Variants in RTL4 observed in about 807,000 individuals in gnomAD.
RTL4 encodes the protein retrotransposon Gag like 4, also known as retrotransposon Gag-like protein 4.
RTL4 carries 4 observed loss-of-function variants against 5.3 expected under a neutral mutation model. The observed-to-expected ratio is 0.75, with a 90% CI of 0.37 to 1.72. RTL4 has a LOEUF of 1.72. RTL4 is among the 40% of genes most tolerant of loss of function. The pLI, the probability that RTL4 is intolerant of heterozygous loss-of-function variation, is 0.04. For missense variants in RTL4, 260 were observed against 227.1 expected (o/e 1.14, Z -0.93); for synonymous variants, 98 against 87.3 (o/e 1.12, Z -0.68).
the RTL4 span, among the ~76,000 whole-genome samples, chrX:112,257,056 T>TCTTC: frequency 8.9e-6 from 1 of 111,920 alleles, no homozygotes; most frequent in African/African-American, 3.2e-5. Flanking sequence ...CTTTACTTAT[T>TCTTC]CTTCACTTTA....
At chrX:112,456,179 A>T (rs142281620) in exon 1 of RTL4, 3,101 of 302,412 alleles carry the variant, frequency 0.01, 87 homozygotes, top group African/African-American at 0.074. Context: ...TAGAGTTTGG[A>T]CCATGCTTCA....
chrX:112,229,145 T>C, the RTL4 span, among the ~76,000 whole-genome samples: 1 of 112,210 alleles, frequency 8.9e-6, no homozygotes. Context: ...TGATGTTTTA[T>C]TATGTTCCTC....
At chrX:112,334,415 C>A in the RTL4 span, among the ~76,000 whole-genome samples, 1 of 111,603 alleles carries the variant, frequency 9.0e-6, no homozygotes, top group Non-Finnish European at 1.9e-5. Context: ...ATATTGCCAC[C>A]AACAGTGTAC....
the RTL4 span, among the ~76,000 whole-genome samples, chrX:112,171,652 A>T: frequency 1.8e-5 from 2 of 111,009 alleles, no homozygotes; most frequent in South Asian, 7.5e-4. Flanking sequence ...CTCTTTTCTT[A>T]TCTATTAGTC....
chrX:112,395,523 TAATA>T, the RTL4 span, among the ~76,000 whole-genome samples: 1 of 111,762 alleles, frequency 8.9e-6, no homozygotes, highest in African/African-American at 3.2e-5. Flanking sequence ...TTATATTACT[TAATA>T]AATAAAATTT....
At chrX:112,310,388 A>G in the RTL4 span, among the ~76,000 whole-genome samples, 258 of 52,318 alleles carry the variant, frequency 4.9e-3, 1 homozygote, top group Non-Finnish European at 6.0e-3. Flanking sequence ...ATATATATAT[A>G]TATATATATA....
chrX:112,328,820 A>G, the RTL4 span, among the ~76,000 whole-genome samples: 1 of 112,291 alleles, frequency 8.9e-6, no homozygotes, highest in African/African-American at 3.2e-5. Flanking sequence ...CTCAGACCAC[A>G]GTGCAATCAA....
At chrX:112,327,970 A>G in the RTL4 span, among the ~76,000 whole-genome samples, 6 of 107,622 alleles carry the variant, frequency 5.6e-5, no homozygotes, top group African/African-American at 1.7e-4. Context: ...AGATTTTGTC[A>G]CCACCAGGCC....
the RTL4 span, among the ~76,000 whole-genome samples, chrX:112,424,514 C>T: frequency 1.8e-5 from 2 of 110,962 alleles, no homozygotes; most frequent in Non-Finnish European, 3.8e-5. Flanking sequence ...TGGATTAGTA[C>T]CCAAGACATG....
the RTL4 span, among the ~76,000 whole-genome samples, chrX:112,337,195 C>G: frequency 3.2e-4 from 36 of 111,847 alleles, no homozygotes; most frequent in Non-Finnish European, 4.5e-4. Context: ...TCTGCCTATC[C>G]TAATGTACAT....
the RTL4 span, among the ~76,000 whole-genome samples, chrX:112,124,352 T>C: frequency 9.0e-6 from 1 of 111,713 alleles, no homozygotes; most frequent in South Asian, 3.7e-4. Context: ...ATCATTTTAC[T>C]ATAAAGATGC....
At chrX:112,297,625 G>T in the RTL4 span, among the ~76,000 whole-genome samples, 1 of 111,246 alleles carries the variant, frequency 9.0e-6, no homozygotes, top group Non-Finnish European at 1.9e-5. Flanking sequence ...ATGAGATTTG[G>T]GTGGGGGCAC....
At chrX:112,176,953 G>A in the RTL4 span, among the ~76,000 whole-genome samples, 228 of 110,622 alleles carry the variant, frequency 2.1e-3, 1 homozygote, top group Non-Finnish European at 2.2e-3. Flanking sequence ...GGCTAATTTC[G>A]CTTAACATAA....
At chrX:112,196,817 AATC>A in the RTL4 span, among the ~76,000 whole-genome samples, 1 of 111,366 alleles carries the variant, frequency 9.0e-6, no homozygotes, top group Non-Finnish European at 1.9e-5. Context: ...CCTATGTTAT[AATC>A]AGATTGTTCT....
chrX:112,454,991 C>G, exon 1 of RTL4: 1 of 1,211,826 alleles, frequency 8.3e-7, no homozygotes, highest in Non-Finnish European at 1.1e-6. Flanking sequence ...CTCCAAATCT[C>G]TAATCCTGCA....
At chrX:112,439,089 G>A in the RTL4 span, among the ~76,000 whole-genome samples, 4 of 111,606 alleles carry the variant, frequency 3.6e-5, no homozygotes, top group African/African-American at 1.3e-4. Flanking sequence ...TTTCCTTATG[G>A]CCATCACCAG....
chrX:112,362,778 C>T, the RTL4 span, among the ~76,000 whole-genome samples: 2 of 111,027 alleles, frequency 1.8e-5, no homozygotes, highest in South Asian at 7.7e-4. Flanking sequence ...TTACCCACGT[C>T]TAGGGTAGTC....
At chrX:112,201,128 G>A in the RTL4 span, among the ~76,000 whole-genome samples, 1 of 111,114 alleles carries the variant, frequency 9.0e-6, no homozygotes, top group Non-Finnish European at 1.9e-5. Context: ...TCTTCACAAG[G>A]CGGCAAGAAG....
the RTL4 span, among the ~76,000 whole-genome samples, chrX:112,280,393 C>G: frequency 9.0e-6 from 1 of 111,627 alleles, no homozygotes; most frequent in East Asian, 2.8e-4. Context: ...TGGGATCATT[C>G]ATAACACAAA....
Sources: allele counts gnomAD v4.1 joint callset (sites outside exome capture counted in the v4.1 genomes callset), GRCh38; gene constraint gnomAD v4.1.1; transcripts MANE v1.5; gene names NCBI Gene and HGNC (gene_info 2026-07-23, HGNC 2026-07-21).